The following SLC38A9 variants were observed in gnomAD, a reference collection of about 807,000 sequenced individuals.
SLC38A9 encodes the protein neutral amino acid transporter 9.
A neutral mutation model predicts 62.3 loss-of-function variants in SLC38A9; 48 were observed. The observed-to-expected ratio is 0.77, with a 90% confidence interval of 0.61 to 0.98. The LOEUF (loss-of-function observed/expected upper bound fraction) is 0.98. Ranked by LOEUF, SLC38A9 falls within the 50% of genes least tolerant of loss-of-function variation. The pLI is 0.00. For missense variants in SLC38A9, 541 were observed against 679.8 expected, an observed-to-expected ratio of 0.80 and a Z score of 2.27; for synonymous variants, 204 against 227.7, an observed-to-expected ratio of 0.90 and a Z score of 0.94.
At chr5:55,708,253 C>T (rs1757554814) in intron 2 of SLC38A9, among the ~76,000 whole-genome samples, 1 of 152,032 alleles carries the variant, frequency 6.6e-6, no homozygotes, top group Admixed American at 6.6e-5. Context: ...CTGCTTGAGC[C>T]CAGGAGTTCG....
chr5:55,674,292 A>G (rs1293435274), intron 3 of SLC38A9, among the ~76,000 whole-genome samples: 1 of 152,222 alleles, frequency 6.6e-6, no homozygotes, highest in African/African-American at 2.4e-5. Context: ...ATGACATATT[A>G]TATATACTAG....
At chr5:55,636,485 A>C (rs911715595) in intron 12 of SLC38A9, among the ~76,000 whole-genome samples, 1 of 152,212 alleles carries the variant, frequency 6.6e-6, no homozygotes, top group Non-Finnish European at 1.5e-5. Context: ...AGCACAATTA[A>C]ATTATGGCAA....
intron 3 of SLC38A9, among the ~76,000 whole-genome samples, chr5:55,677,366 T>C (rs1293300980): frequency 1.3e-5 from 2 of 152,224 alleles, no homozygotes; most frequent in Non-Finnish European, 2.9e-5. Flanking sequence ...AATGCTTCTT[T>C]ACCCTTTGTA....
intron 2 of SLC38A9, among the ~76,000 whole-genome samples, chr5:55,702,402 C>T (rs934129363): frequency 1.3e-5 from 2 of 151,868 alleles, no homozygotes; most frequent in African/African-American, 4.8e-5. Flanking sequence ...GCTAGGACTA[C>T]AAGTGTGCAC....
In SLC38A9 at chr5:55,649,296, T is replaced by TA; in HGVS notation, c.970dup (p.Tyr324LeufsTer9). 6.2e-7 allele frequency: 1 copy of TA among 1,602,998 alleles called. No homozygotes were observed. Among genetic ancestry groups the TA allele is most frequent in the Non-Finnish European group, 8.5e-7 (1 of 1,175,778 alleles). ...CTTAAAGGTGACAAGGAAAATCAAA[T>TA]AAAGGACAGACACTGTGCCTGTGAG... On this transcript the variant is annotated frameshift_variant, in exon 11 of 16. Transcript: ENST00000396865. LOFTEE classifies it high-confidence loss of function.
At position 55,669,591 on chromosome 5, in the gene SLC38A9, G is replaced by A. The variant is rs762034040; in HGVS notation, c.398C>T (p.Thr133Ile). The change falls in exon 6 of 16, where the codon ACA becomes ATA. Residue 133 changes from threonine (T) to isoleucine (I), a missense_variant. Coordinates refer to ENST00000396865, the MANE Select transcript of SLC38A9 (RefSeq NM_173514.4). ...IFMIWNTMMG[T>I]SILSIPWGIK... ...GCCCCAAGGAATGCTTAGTATAGAT[G>A]TTCCCATCATGGTATTCCAAATCAT... is the stretch of plus-strand genomic sequence containing the variant. 8.7e-6 allele frequency: 14 copies of A among 1,610,142 alleles called. No individual in the cohort carries two copies. The highest frequency in any genetic ancestry group is 2.5e-6 in the Non-Finnish European group (3 of 1,177,458).
chr5:55,629,262 A>G (rs574442963), intron 14 of SLC38A9, among the ~76,000 whole-genome samples: 61 of 152,142 alleles, frequency 4.0e-4, no homozygotes, highest in Non-Finnish European at 7.9e-4. Context: ...TCCAGGCTGC[A>G]GTGCAGTGGG....
At chr5:55,665,501 C>T (rs1200037605) in intron 7 of SLC38A9, among the ~76,000 whole-genome samples, 7 of 147,310 alleles carry the variant, frequency 4.8e-5, no homozygotes, top group East Asian at 2.0e-4. Context: ...GAGCTGAGAT[C>T]ATGCCACTGC....
intron 2 of SLC38A9, among the ~76,000 whole-genome samples, chr5:55,702,296 T>C (rs1162675862): frequency 6.6e-6 from 1 of 151,806 alleles, no homozygotes; most frequent in East Asian, 1.9e-4. Context: ...TCTCACTGTG[T>C]CACCCAGGCT....
At chr5:55,644,501 G>A (rs1328534116) in intron 12 of SLC38A9, among the ~76,000 whole-genome samples, 14 of 151,978 alleles carry the variant, frequency 9.2e-5, no homozygotes, top group Admixed American at 9.2e-4. Context: ...TCGGCTCACT[G>A]CAACCTCTGC....
At chr5:55,659,927 G>A (rs1055022528) in intron 8 of SLC38A9, among the ~76,000 whole-genome samples, 3 of 151,150 alleles carry the variant, frequency 2.0e-5, no homozygotes, top group Admixed American at 6.6e-5. Flanking sequence ...CACCATGCCC[G>A]GCTAATTTTT....
chr5:55,639,983 CTTT>C (rs36073153), intron 12 of SLC38A9, among the ~76,000 whole-genome samples: 12 of 98,462 alleles, frequency 1.2e-4, no homozygotes, highest in African/African-American at 3.1e-4. Flanking sequence ...TAAACCTTTG[CTTT>C]TTTTTTTTTT....
intron 8 of SLC38A9, among the ~76,000 whole-genome samples, chr5:55,662,010 G>A (rs1052161293): frequency 1.3e-5 from 2 of 152,246 alleles, no homozygotes; most frequent in African/African-American, 4.8e-5. Context: ...GAGTGAGGAT[G>A]TGGAACAAGG....
At chr5:55,698,894 G>A (rs917727228) in intron 2 of SLC38A9, among the ~76,000 whole-genome samples, 3 of 152,064 alleles carry the variant, frequency 2.0e-5, no homozygotes, top group East Asian at 1.9e-4. Flanking sequence ...CTATGATTGC[G>A]CCACTGCACT....
chr5:55,698,505 T>C (rs957519911), intron 2 of SLC38A9, among the ~76,000 whole-genome samples: 4 of 152,184 alleles, frequency 2.6e-5, no homozygotes, highest in Non-Finnish European at 4.4e-5. Flanking sequence ...GGAATTATTA[T>C]AATAATAAAT....
rs1314748514 is a variant in SLC38A9 at position 55,664,880 on chromosome 5, A to G, written c.527-17T>C. On this transcript the variant is annotated splice_polypyrimidine_tract_variant and intron_variant, in intron 7 of 15. Transcript: ENST00000396865. The stretch of plus-strand genomic sequence containing the variant: ...CCAACGAAACTAGATAAAATAAGAG[A>G]AAGAATAAAACTAAATGTTGAACAT... 5 of 1,481,972 alleles carry G rather than the reference A, an allele frequency of 3.4e-6. No homozygotes were observed. The highest frequency in any genetic ancestry group is 1.7e-4 in the Middle Eastern group (1 of 5,766). 91.8% of individuals were successfully genotyped at this position (1,481,972 alleles called of 1,614,324 possible). A position where few individuals can be genotyped will look rare whatever the true frequency, so the allele number is the denominator to read the frequency against.
intron 12 of SLC38A9, among the ~76,000 whole-genome samples, chr5:55,639,341 T>TG (rs200960083): frequency 0.018 from 2,655 of 150,660 alleles, 27 homozygotes; most frequent in Middle Eastern, 0.045. Context: ...CTGCATTTCG[T>TG]GGGAAAAAAA....
chr5:55,686,007 T>A (rs1299886091), intron 3 of SLC38A9, among the ~76,000 whole-genome samples: 2 of 152,232 alleles, frequency 1.3e-5, no homozygotes, highest in African/African-American at 2.4e-5. Flanking sequence ...TGTATGCATT[T>A]TCTTTATCCA....
chr5:55,649,090 T>G, intron 11 of SLC38A9, 117 bp downstream of exon 11: 1 of 531,256 alleles, frequency 1.9e-6, no homozygotes, highest in South Asian at 4.4e-5. Context: ...GTTTTTAACT[T>G]AATAGCATTT....
Sources: allele counts gnomAD v4.1 joint callset (sites outside exome capture counted in the v4.1 genomes callset), GRCh38; gene constraint gnomAD v4.1.1; transcripts MANE v1.5; gene names NCBI Gene and HGNC (gene_info 2026-07-23, HGNC 2026-07-21).